Variants in SLC31A1 observed in about 807,000 individuals in gnomAD.
SLC31A1 encodes the protein solute carrier family 31 member 1, also known as high affinity copper uptake protein 1.
Under a neutral mutation model 17.2 loss-of-function variants are expected in SLC31A1, and 5 were observed. The ratio of observed to expected loss-of-function variants is 0.29; its 90% CI spans 0.15 to 0.61. SLC31A1 has a LOEUF of 0.61. SLC31A1 is among the 20% of genes least tolerant of loss of function. The probability of loss-of-function intolerance (pLI) is 0.86; values close to 1 mark genes in which losing one functional copy is unlikely to be tolerated. For missense variants in SLC31A1, 161 were observed against 241.4 expected (o/e 0.67, Z 2.21); for synonymous variants, 76 against 78.8 (o/e 0.96, Z 0.19).
chr9:113,226,021 C>T (rs1173405047), intron 1 of SLC31A1, among the ~76,000 whole-genome samples: 3 of 151,914 alleles, frequency 2.0e-5, no homozygotes, highest in African/African-American at 7.3e-5. Context: ...GTAGTCCCAG[C>T]TACTCAGGAG....
chr9:113,258,898 A>G lies in SLC31A1; in HGVS notation c.371+36A>G, dbSNP rs1381061733. ...AACAGATCCAGATGAAGTCCTAAAG[A>G]ACTCGATCAGTTAAGCAGCAAAGCG... On this transcript the variant is annotated intron_variant, in intron 4 of 4. Coordinates refer to ENST00000374212, the MANE Select transcript of SLC31A1 (RefSeq NM_001859.4). The surrounding 1 kb of genome is among the most constrained non-coding windows in gnomAD (Gnocchi z 4.8). 1 of 1,608,056 alleles carries G rather than the reference A, an allele frequency of 6.2e-7. No homozygotes were observed.
At chr9:113,243,243 T>C (rs1444084308) in intron 1 of SLC31A1, among the ~76,000 whole-genome samples, 2 of 152,242 alleles carry the variant, frequency 1.3e-5, no homozygotes, top group African/African-American at 4.8e-5. Flanking sequence ...TTTGCCTTTA[T>C]ATTTTGTTGT....
chr9:113,244,800 A>C (rs1268170740), intron 1 of SLC31A1, among the ~76,000 whole-genome samples: 1 of 152,208 alleles, frequency 6.6e-6, no homozygotes, highest in African/African-American at 2.4e-5. Context: ...TACTTTCCTG[A>C]GTGCAGACTA....
chr9:113,228,851 T>C (rs1831370341), intron 1 of SLC31A1, among the ~76,000 whole-genome samples: 2 of 152,186 alleles, frequency 1.3e-5, no homozygotes, highest in East Asian at 3.9e-4. Flanking sequence ...GATGATACTT[T>C]TTTTTTTCTT....
chr9:113,248,826 A>C (rs1831614134), intron 1 of SLC31A1, among the ~76,000 whole-genome samples: 1 of 152,154 alleles, frequency 6.6e-6, no homozygotes, highest in African/African-American at 2.4e-5. Flanking sequence ...AAGCTAACAG[A>C]CAAGTCAAGG....
At chr9:113,240,229 G>A (rs1831507165) in intron 1 of SLC31A1, among the ~76,000 whole-genome samples, 1 of 152,068 alleles carries the variant, frequency 6.6e-6, no homozygotes, top group Non-Finnish European at 1.5e-5. Flanking sequence ...CATTTTTACT[G>A]AGAGAGCCTT....
chr9:113,221,953 A>G (rs1011137039), intron 1 of SLC31A1, among the ~76,000 whole-genome samples: 2 of 152,080 alleles, frequency 1.3e-5, no homozygotes, highest in African/African-American at 4.8e-5. Flanking sequence ...AAGATTTTAG[A>G]GCTCAGAGGC....
At chr9:113,235,860 A>G (rs1354475926) in intron 1 of SLC31A1, among the ~76,000 whole-genome samples, 1 of 152,172 alleles carries the variant, frequency 6.6e-6, no homozygotes, top group African/African-American at 2.4e-5. Context: ...AGAGCAGATG[A>G]TTGTTTAAGA....
At chr9:113,248,521 G>A (rs893291895) in intron 1 of SLC31A1, among the ~76,000 whole-genome samples, 8 of 139,970 alleles carry the variant, frequency 5.7e-5, no homozygotes, top group Non-Finnish European at 1.2e-4. Context: ...CCAGGCTGGA[G>A]TGCAATGGTG....
intron 3 of SLC31A1, among the ~76,000 whole-genome samples, chr9:113,257,418 T>G (rs1180964148): frequency 1.3e-5 from 2 of 152,092 alleles, no homozygotes; most frequent in Non-Finnish European, 2.9e-5. Context: ...AAAAAATAAT[T>G]TAGATACCAG....
At chr9:113,237,981 G>C (rs541973265) in intron 1 of SLC31A1, among the ~76,000 whole-genome samples, 3 of 152,314 alleles carry the variant, frequency 2.0e-5, no homozygotes, top group Non-Finnish European at 4.4e-5. Context: ...AGCTCTCACA[G>C]AGCATAATGA....
intron 1 of SLC31A1, among the ~76,000 whole-genome samples, chr9:113,242,736 C>T (rs1184234917): frequency 6.6e-6 from 1 of 152,126 alleles, no homozygotes; most frequent in Admixed American, 6.6e-5. Flanking sequence ...TTGATCTTAT[C>T]TTATAGTTTG....
intron 1 of SLC31A1, among the ~76,000 whole-genome samples, chr9:113,236,235 G>A (rs1356604093): frequency 1.3e-5 from 2 of 152,098 alleles, no homozygotes; most frequent in Non-Finnish European, 2.9e-5. Flanking sequence ...TGATCTGCCC[G>A]TCTTGGCCTC....
At chr9:113,224,788 T>A (rs2118979585) in intron 1 of SLC31A1, among the ~76,000 whole-genome samples, 1 of 152,348 alleles carries the variant, frequency 6.6e-6, no homozygotes, top group South Asian at 2.1e-4. Flanking sequence ...TAGAAATAAC[T>A]ACTAGAGAGT....
rs761688235 is a variant in SLC31A1 at position 113,260,481 on chromosome 9, C to T, written c.*8C>T. The T allele has an allele frequency of 1.9e-6, 3 of 1,609,494 alleles. No homozygotes were observed. The highest frequency in any genetic ancestry group is 2.5e-6 in the Non-Finnish European group (3 of 1,177,108). On this transcript the variant is annotated 3_prime_UTR_variant, in exon 5 of 5. Coordinates refer to ENST00000374212, the MANE Select transcript of SLC31A1 (RefSeq NM_001859.4). ...ACAGAGCATTGCCATTGACATCAAA[C>T]TCTATGGCGTGGCCTTATCGATTGC... is the stretch of plus-strand genomic sequence containing the variant.
At chr9:113,256,457 A>G in intron 2 of SLC31A1, 180 bp downstream of exon 2, 2 of 613,410 alleles carry the variant, frequency 3.3e-6, no homozygotes, top group Non-Finnish European at 5.5e-6. Flanking sequence ...CTACTTACAG[A>G]GTCACACCAG....
At chr9:113,247,143 T>G (rs973632295) in intron 1 of SLC31A1, among the ~76,000 whole-genome samples, 3 of 152,190 alleles carry the variant, frequency 2.0e-5, no homozygotes, top group African/African-American at 7.2e-5. Context: ...TCTGTATAAG[T>G]GCTTGCCAGA....
At chr9:113,221,723 A>G (rs1831273605) in intron 1 of SLC31A1, 45 bp downstream of exon 1, 2 of 242,640 alleles carry the variant, frequency 8.2e-6, no homozygotes, top group South Asian at 8.6e-5. Context: ...GTGCATGGGT[A>G]CCGTCCTTTT....
rs1039097356 is a variant in SLC31A1 at position 113,264,178 on chromosome 9, G to T, written c.*3705G>T. The T allele has an allele frequency of 1.3e-5, 2 of 152,180 alleles. No individual in the cohort carries two copies. Among genetic ancestry groups the T allele is most frequent in the African/African-American group, 4.8e-5 (2 of 41,422 alleles). The allele number at this position is 152,180 out of a possible 1,614,324, so 9.4% of individuals were successfully genotyped here. On this transcript the variant is annotated 3_prime_UTR_variant, in exon 5 of 5. Transcript: ENST00000374212. ...AAAATACAAAAATTAGCTGGGCGTG[G>T]TGGTGCATGCCTGTAATCCCAGCTA...
Sources: allele counts gnomAD v4.1 joint callset (sites outside exome capture counted in the v4.1 genomes callset), GRCh38; gene constraint gnomAD v4.1.1; non-coding constraint Gnocchi (gnomAD v3.1); transcripts MANE v1.5; gene names NCBI Gene and HGNC (gene_info 2026-07-23, HGNC 2026-07-21).